The following GRM8 variants were observed in gnomAD, a reference collection of about 807,000 sequenced individuals.
GRM8 encodes glutamate metabotropic receptor 8.
Under a neutral mutation model 87.2 loss-of-function variants are expected in GRM8, and 47 were observed. The ratio of observed to expected loss-of-function variants is 0.54; its 90% CI spans 0.43 to 0.69. GRM8 has a LOEUF of 0.69. Ranked by LOEUF, GRM8 falls within the 30% of genes least tolerant of loss-of-function variation. GRM8 has a pLI of 0.00. For missense variants in GRM8, 1,019 were observed against 1,139.2 expected, an observed-to-expected ratio of 0.89 and a Z score of 1.52; for synonymous variants, 396 against 404.5, an observed-to-expected ratio of 0.98 and a Z score of 0.25.
At chr7:127,205,315 C>G (rs754728684) in intron 2 of GRM8, among the ~76,000 whole-genome samples, 3 of 152,100 alleles carry the variant, frequency 2.0e-5, no homozygotes, top group Non-Finnish European at 2.9e-5. Context: ...TCATTCAAGG[C>G]GGTGAGATGG....
At chr7:126,737,651 G>T (rs1417829751) in intron 7 of GRM8, among the ~76,000 whole-genome samples, 1 of 151,878 alleles carries the variant, frequency 6.6e-6, no homozygotes, top group African/African-American at 2.4e-5. Context: ...TTCCCTTCCT[G>T]AGCAATGTCC....
At chr7:126,996,944 C>T (rs1161528795) in intron 3 of GRM8, among the ~76,000 whole-genome samples, 1 of 151,940 alleles carries the variant, frequency 6.6e-6, no homozygotes, top group Non-Finnish European at 1.5e-5. Flanking sequence ...ACAAACGCAT[C>T]TAATAGATAT....
At chr7:126,715,183 G>A (rs1383860985) in intron 7 of GRM8, among the ~76,000 whole-genome samples, 1 of 152,128 alleles carries the variant, frequency 6.6e-6, no homozygotes, top group Non-Finnish European at 1.5e-5. Flanking sequence ...ATGCAAGAAC[G>A]TTGACACATC....
At chr7:126,503,150 T>C (rs894274947) in intron 9 of GRM8, among the ~76,000 whole-genome samples, 1 of 151,884 alleles carries the variant, frequency 6.6e-6, no homozygotes, top group Non-Finnish European at 1.5e-5. Context: ...GCCTTCATCT[T>C]CTCCTGTCAT....
At chr7:126,993,239 T>G (rs1354817302) in intron 3 of GRM8, among the ~76,000 whole-genome samples, 1 of 152,176 alleles carries the variant, frequency 6.6e-6, no homozygotes, top group Non-Finnish European at 1.5e-5. Context: ...ATTTTTATCA[T>G]TGCTGGATAA....
At chr7:126,749,072 G>C (rs1356933342) in intron 7 of GRM8, among the ~76,000 whole-genome samples, 2 of 151,918 alleles carry the variant, frequency 1.3e-5, no homozygotes, top group African/African-American at 4.8e-5. Flanking sequence ...TCAGGAGTTC[G>C]AGACCAGCCT....
At chr7:127,043,270 T>C (rs1200624813) in intron 3 of GRM8, among the ~76,000 whole-genome samples, 1 of 152,216 alleles carries the variant, frequency 6.6e-6, no homozygotes, top group Non-Finnish European at 1.5e-5. Context: ...ACTGGGTATA[T>C]ACCCAAAGGA....
At chr7:127,010,104 A>T (rs1451662485) in intron 3 of GRM8, among the ~76,000 whole-genome samples, 3 of 152,066 alleles carry the variant, frequency 2.0e-5, no homozygotes, top group Non-Finnish European at 4.4e-5. Flanking sequence ...CAGCCTCCCA[A>T]AGTGCTGGGA....
chr7:126,641,055 T>C (rs2237751), intron 7 of GRM8, among the ~76,000 whole-genome samples: 46,814 of 152,030 alleles, frequency 0.31, 8,092 homozygotes, highest in East Asian at 0.43. Flanking sequence ...TCATAATCAC[T>C]TGCTTTATAC....
At chr7:126,751,998 C>T (rs1816474952) in intron 7 of GRM8, among the ~76,000 whole-genome samples, 2 of 152,122 alleles carry the variant, frequency 1.3e-5, no homozygotes, top group Non-Finnish European at 2.9e-5. Context: ...GTGATGACTC[C>T]ACCCAGCAGC....
chr7:126,472,784 C>T (rs1311618832), intron 9 of GRM8, among the ~76,000 whole-genome samples: 2 of 152,176 alleles, frequency 1.3e-5, no homozygotes, highest in African/African-American at 4.8e-5. Context: ...CTGGGCAGAG[C>T]CCAGGGCCCT....
chr7:127,181,882 A>G (rs566651015), intron 2 of GRM8, among the ~76,000 whole-genome samples: 3 of 152,284 alleles, frequency 2.0e-5, no homozygotes, highest in Admixed American at 2.0e-4. Flanking sequence ...ACCTGAAACT[A>G]TAAAAATTCT....
intron 6 of GRM8, among the ~76,000 whole-genome samples, chr7:126,807,355 A>G (rs889841497): frequency 2.0e-5 from 3 of 152,184 alleles, no homozygotes; most frequent in East Asian, 1.9e-4. Flanking sequence ...AAAAAAAGGA[A>G]TAAGATTTCT....
intron 3 of GRM8, among the ~76,000 whole-genome samples, chr7:126,979,334 TAACATTTCAAAATCTAATAA>T (rs1452001152): frequency 1.3e-5 from 2 of 152,174 alleles, no homozygotes; most frequent in East Asian, 3.8e-4. Flanking sequence ...AACCACAGTA[TAACATTTCAAAATCTAATAA>T]AAATTAGATA....
intron 6 of GRM8, among the ~76,000 whole-genome samples, chr7:126,901,512 C>T (rs539385249): frequency 6.6e-6 from 1 of 152,326 alleles, no homozygotes; most frequent in East Asian, 1.9e-4. Flanking sequence ...CACATGGAAG[C>T]CTGAAATCAG....
At chr7:127,047,760 G>A (rs532223778) in intron 3 of GRM8, among the ~76,000 whole-genome samples, 26 of 152,266 alleles carry the variant, frequency 1.7e-4, no homozygotes, top group South Asian at 1.2e-3. Flanking sequence ...GAGAACCAGA[G>A]GTTGAGGTTA....
intron 6 of GRM8, among the ~76,000 whole-genome samples, chr7:126,782,726 A>T (rs1820215879): frequency 6.6e-6 from 1 of 152,190 alleles, no homozygotes. Flanking sequence ...TTTATGATGC[A>T]TATCCTTTAA....
At chr7:126,778,355 C>T (rs138641726) in intron 6 of GRM8, among the ~76,000 whole-genome samples, 1 of 152,260 alleles carries the variant, frequency 6.6e-6, no homozygotes, top group African/African-American at 2.4e-5. Flanking sequence ...GTGCTTCAGG[C>T]AGGTGCCAGG....
intron 10 of GRM8, among the ~76,000 whole-genome samples, chr7:126,442,297 G>A (rs1801559109): frequency 6.6e-6 from 1 of 151,960 alleles, no homozygotes; most frequent in African/African-American, 2.4e-5. Context: ...TTGGTTTGGT[G>A]TGAAGTGAAA....
Sources: allele counts gnomAD v4.1 joint callset (sites outside exome capture counted in the v4.1 genomes callset), GRCh38; gene constraint gnomAD v4.1.1; transcripts MANE v1.5; gene names NCBI Gene and HGNC (gene_info 2026-07-23, HGNC 2026-07-21).